The following PUDP variants were observed in gnomAD, a reference collection of about 807,000 sequenced individuals.
The protein encoded by PUDP is pseudouridine-5'-phosphatase.
A neutral mutation model predicts 9.4 loss-of-function variants in PUDP; 8 were observed. The ratio of observed to expected loss-of-function variants is 0.85; its 90% CI spans 0.50 to 1.53. The LOEUF (loss-of-function observed/expected upper bound fraction) is 1.53, where lower values mean the gene tolerates loss of function less well. PUDP is among the 40% of genes most tolerant of loss of function. The pLI is 0.00. For synonymous variants in PUDP, 99 were observed against 80.7 expected, an observed-to-expected ratio of 1.23 and a Z score of -1.22; for missense variants, 188 against 189.7, an observed-to-expected ratio of 0.99 and a Z score of 0.05.
At chrX:6,725,726 C>A (rs1924730991), upstream of PUDP, among the ~76,000 whole-genome samples, 1 of 111,838 alleles carries the variant, frequency 8.9e-6, no homozygotes, top group African/African-American at 3.2e-5. Context: ...TTATCTTACT[C>A]CTGCAAGAAT....
intron 3 of PUDP, among the ~76,000 whole-genome samples, chrX:6,924,449 T>C (rs1468411864): frequency 6.2e-5 from 7 of 112,382 alleles, no homozygotes; most frequent in African/African-American, 1.9e-4. Context: ...CCTGAAATGC[T>C]TGGGACCAGA....
chrX:6,937,324 G>A (rs1167041041), intron 3 of PUDP, among the ~76,000 whole-genome samples: 19 of 104,668 alleles, frequency 1.8e-4, no homozygotes, highest in South Asian at 4.7e-4. Flanking sequence ...CAGAAATAAC[G>A]CCGCATATCT....
intron 3 of PUDP, among the ~76,000 whole-genome samples, chrX:6,788,606 G>C (rs1264185473): frequency 2.7e-5 from 3 of 111,745 alleles, no homozygotes; most frequent in Non-Finnish European, 5.6e-5. Flanking sequence ...TTGGGAGGCT[G>C]AGGCTGGAGG....
chrX:6,856,004 G>A (rs767894279), intron 3 of PUDP, among the ~76,000 whole-genome samples: 8 of 111,380 alleles, frequency 7.2e-5, no homozygotes, highest in African/African-American at 2.3e-4. Context: ...TGAGCTAAGG[G>A]GAACTGAGCT....
intron 3 of PUDP, among the ~76,000 whole-genome samples, chrX:6,751,554 A>C (rs758877221): frequency 1.8e-5 from 2 of 112,018 alleles, no homozygotes; most frequent in Non-Finnish European, 3.8e-5. Flanking sequence ...GAAGAAAAAG[A>C]AATAAAATAG....
At chrX:6,820,897 C>T (rs765426360) in intron 3 of PUDP, among the ~76,000 whole-genome samples, 31 of 111,823 alleles carry the variant, frequency 2.8e-4, no homozygotes, top group African/African-American at 9.7e-4. Context: ...AGGCAGTGCC[C>T]CAGTAGGGAC....
intron 3 of PUDP, among the ~76,000 whole-genome samples, chrX:6,746,070 T>C (rs1249357897): frequency 1.8e-5 from 2 of 112,274 alleles, no homozygotes; most frequent in Non-Finnish European, 3.8e-5. Context: ...TGAAATTTCT[T>C]GCTTAAAGAA....
intron 1 of PUDP, among the ~76,000 whole-genome samples, chrX:7,134,452 T>C (rs1333546605): frequency 8.9e-6 from 1 of 112,292 alleles, no homozygotes; most frequent in Non-Finnish European, 1.9e-5. Flanking sequence ...CCCCAGGTTG[T>C]CCTGCCTCAG....
chrX:6,918,266 T>C (rs4128257), intron 3 of PUDP, among the ~76,000 whole-genome samples: 2 of 111,529 alleles, frequency 1.8e-5, no homozygotes, highest in African/African-American at 6.5e-5. Flanking sequence ...ATTAGAAATA[T>C]TGTGATCCTT....
At chrX:7,094,575 CTCGA>C (rs1411171507) in intron 2 of PUDP, among the ~76,000 whole-genome samples, 2 of 110,709 alleles carry the variant, frequency 1.8e-5, no homozygotes, top group African/African-American at 3.3e-5. Context: ...CCAGGATGGT[CTCGA>C]TCGATCTCCT....
chrX:7,121,170 A>G (rs1932334502), intron 1 of PUDP, among the ~76,000 whole-genome samples: 1 of 112,186 alleles, frequency 8.9e-6, no homozygotes, highest in African/African-American at 3.2e-5. Flanking sequence ...TTAGGTTGGG[A>G]AAAAATGAAC....
chrX:6,928,648 A>G (rs955470510), intron 3 of PUDP, among the ~76,000 whole-genome samples: 2 of 112,033 alleles, frequency 1.8e-5, no homozygotes, highest in Non-Finnish European at 3.8e-5. Flanking sequence ...TGACACTTCA[A>G]AAAACAGAGG....
chrX:6,912,112 G>A (rs1602670001), intron 3 of PUDP, among the ~76,000 whole-genome samples: 1 of 111,359 alleles, frequency 9.0e-6, no homozygotes, highest in Admixed American at 9.6e-5. Context: ...TTTCCTAGAC[G>A]GTTCCTTTTA....
intron 3 of PUDP, among the ~76,000 whole-genome samples, chrX:6,975,235 C>T (rs946190650): frequency 9.1e-6 from 1 of 110,162 alleles, no homozygotes; most frequent in African/African-American, 3.3e-5. Context: ...ACTCATTCTC[C>T]GTCCAGTTTG....
intron 3 of PUDP, among the ~76,000 whole-genome samples, chrX:7,061,318 T>G (rs960442953): frequency 1.8e-5 from 2 of 111,739 alleles, no homozygotes; most frequent in African/African-American, 6.5e-5. Context: ...AGATACACTA[T>G]ATTTTTCTGT....
At chrX:6,794,218 A>G (rs1034468587) in intron 3 of PUDP, among the ~76,000 whole-genome samples, 44 of 112,450 alleles carry the variant, frequency 3.9e-4, no homozygotes, top group African/African-American at 1.4e-3. Flanking sequence ...GATAACCTAC[A>G]ACACACCGAG....
At chrX:6,736,209 A>G (rs914789281) in intron 3 of PUDP, among the ~76,000 whole-genome samples, 4 of 111,946 alleles carry the variant, frequency 3.6e-5, no homozygotes, top group Non-Finnish European at 5.6e-5. Context: ...TGAAAGAATA[A>G]GAAAAAATTT....
chrX:6,795,983 G>A (rs1332842110), intron 3 of PUDP, among the ~76,000 whole-genome samples: 6 of 111,993 alleles, frequency 5.4e-5, no homozygotes, highest in Admixed American at 4.7e-4. Context: ...ATTTCACTGC[G>A]AGTTTAGAGC....
At chrX:6,748,719 C>T (rs16984313) in intron 3 of PUDP, among the ~76,000 whole-genome samples, 33,757 of 110,976 alleles carry the variant, frequency 0.3, 4,427 homozygotes, top group African/African-American at 0.48. Flanking sequence ...AGGTCATTGA[C>T]GAGTGACCTT....
Sources: gnomAD v4.1 joint callset for allele counts (sites outside exome capture counted in the v4.1 genomes callset) on GRCh38, gnomAD v4.1.1 for gene constraint, MANE v1.5 for transcripts, NCBI Gene and HGNC (gene_info 2026-07-23, HGNC 2026-07-21) for gene names.